The following FOXN3 variants were observed in gnomAD, a reference collection of about 807,000 sequenced individuals.
FOXN3 encodes forkhead box N3.
Under a neutral mutation model 38.4 loss-of-function variants are expected in FOXN3, and 7 were observed. The observed-to-expected ratio is 0.18, with a 90% confidence interval of 0.10 to 0.34. The LOEUF (loss-of-function observed/expected upper bound fraction) is 0.34, where lower values mean the gene tolerates loss of function less well. FOXN3 is among the 10% of genes least tolerant of loss of function. FOXN3 has a pLI of 1.00. For synonymous variants in FOXN3, 230 were observed against 242.2 expected (o/e 0.95, Z 0.47); for missense variants, 456 against 613.4 (o/e 0.74, Z 2.71).
At chr14:89,604,769 T>C (rs1208138654) in intron 1 of FOXN3, among the ~76,000 whole-genome samples, 1 of 151,620 alleles carries the variant, frequency 6.6e-6, no homozygotes, top group Non-Finnish European at 1.5e-5. Context: ...ACAAAGAAAA[T>C]ATCTTAAAAA....
At chr14:89,390,177 G>C (rs773760462) in intron 2 of FOXN3, among the ~76,000 whole-genome samples, 4 of 150,600 alleles carry the variant, frequency 2.7e-5, no homozygotes, top group Non-Finnish European at 2.9e-5. Context: ...TGTGAGCCAA[G>C]GTCATGCCAC....
intron 1 of FOXN3, among the ~76,000 whole-genome samples, chr14:89,437,307 G>T (rs1479026938): frequency 1.3e-5 from 2 of 152,088 alleles, no homozygotes; most frequent in Non-Finnish European, 2.9e-5. Flanking sequence ...TAATGAAGGA[G>T]AACAACTCTG....
chr14:89,563,097 A>C (rs577900155), intron 1 of FOXN3, among the ~76,000 whole-genome samples: 41 of 152,068 alleles, frequency 2.7e-4, no homozygotes, highest in Non-Finnish European at 4.7e-4. Context: ...CAAAACACAA[A>C]CTCTGTCTTA....
In FOXN3 at chr14:89,412,396, C is replaced by T; in HGVS notation, c.81G>A (p.Gly27=). 1.9e-6 allele frequency: 3 copies of T among 1,614,156 alleles called. No homozygotes were observed. Among genetic ancestry groups the T allele is most frequent in the Non-Finnish European group, 2.5e-6 (3 of 1,180,022 alleles). Residue 27 remains glycine (G), a synonymous_variant, in exon 2 of 6, where the codon GGG becomes GGA. Transcript: ENST00000557258. This position sits in a 1 kb window ranked among gnomAD's most constrained non-coding sequence, Gnocchi z 4.7. ...SVSSGLSQCY[G]GSGFSKALQE... ...GAAGGGCCTTGGAGAAACCGCTGCC[C>T]CCGTAACACTGACTCAGTCCACTGG...
chr14:89,182,052 T>C (rs1337235718), intron 4 of FOXN3, among the ~76,000 whole-genome samples: 1 of 152,160 alleles, frequency 6.6e-6, no homozygotes, highest in East Asian at 1.9e-4. Flanking sequence ...GGTGGGTAAA[T>C]AGTGCTTTTT....
chr14:89,384,487 T>C (rs1180781441), intron 2 of FOXN3, among the ~76,000 whole-genome samples: 2 of 152,134 alleles, frequency 1.3e-5, no homozygotes, highest in African/African-American at 2.4e-5. Flanking sequence ...GGGCAGACAC[T>C]AAAAAACAAC....
chr14:89,425,654 C>T (rs545286323), intron 1 of FOXN3, among the ~76,000 whole-genome samples: 24 of 151,814 alleles, frequency 1.6e-4, no homozygotes, highest in Admixed American at 3.3e-4. Flanking sequence ...CATGAGCCAC[C>T]GCGCCCAGCC....
intron 3 of FOXN3, among the ~76,000 whole-genome samples, chr14:89,337,493 G>A (rs886893412): frequency 2.0e-5 from 3 of 152,142 alleles, no homozygotes; most frequent in Admixed American, 6.5e-5. Flanking sequence ...GAGCTCCGGC[G>A]CCTTACCTTT....
At chr14:89,258,465 G>A (rs1885694154) in intron 4 of FOXN3, among the ~76,000 whole-genome samples, 1 of 152,176 alleles carries the variant, frequency 6.6e-6, no homozygotes, top group East Asian at 1.9e-4. Context: ...TCTCTGGTGA[G>A]GCTCAAGTGA....
At chr14:89,568,934 G>T (rs949446278) in intron 1 of FOXN3, among the ~76,000 whole-genome samples, 5 of 152,216 alleles carry the variant, frequency 3.3e-5, no homozygotes, top group African/African-American at 1.2e-4. Context: ...GCCGGGCACG[G>T]TGGCTCACGC....
At chr14:89,317,548 C>T (rs148547902) in intron 3 of FOXN3, among the ~76,000 whole-genome samples, 1 of 152,228 alleles carries the variant, frequency 6.6e-6, no homozygotes, top group East Asian at 1.9e-4. Context: ...CAAATTTCAG[C>T]AGGGGTAAAG....
intron 3 of FOXN3, among the ~76,000 whole-genome samples, chr14:89,320,320 C>T (rs1018267820): frequency 6.6e-6 from 1 of 152,186 alleles, no homozygotes; most frequent in African/African-American, 2.4e-5. Flanking sequence ...TGGCAGAAAA[C>T]AGACCCATTG....
intron 1 of FOXN3, among the ~76,000 whole-genome samples, chr14:89,516,855 A>T (rs534773131): frequency 6.6e-6 from 1 of 152,190 alleles, no homozygotes; most frequent in Admixed American, 6.5e-5. Flanking sequence ...GAGCCATTGG[A>T]TCTAGCCCCA....
At chr14:89,232,986 C>A (rs1884863659) in intron 4 of FOXN3, among the ~76,000 whole-genome samples, 1 of 152,186 alleles carries the variant, frequency 6.6e-6, no homozygotes, top group Non-Finnish European at 1.5e-5. Context: ...AAAATAACCA[C>A]CTCCCCTCCT....
chr14:89,469,844 C>T (rs1284679725), intron 1 of FOXN3, among the ~76,000 whole-genome samples: 1 of 152,222 alleles, frequency 6.6e-6, no homozygotes, highest in Non-Finnish European at 1.5e-5. Context: ...TGTACACGTC[C>T]GTGCTTTGAA....
At chr14:89,554,041 G>A (rs564111367) in intron 1 of FOXN3, among the ~76,000 whole-genome samples, 1 of 152,092 alleles carries the variant, frequency 6.6e-6, no homozygotes, top group South Asian at 2.1e-4. Flanking sequence ...CCGCTCTGTC[G>A]CTCAGGCTGG....
intron 1 of FOXN3, among the ~76,000 whole-genome samples, chr14:89,456,534 G>A (rs1353342211): frequency 1.3e-5 from 2 of 152,190 alleles, no homozygotes; most frequent in Admixed American, 1.3e-4. Context: ...TGGCTGGATT[G>A]CTTGAGACCA....
At chr14:89,295,850 G>A (rs1349840912) in intron 3 of FOXN3, among the ~76,000 whole-genome samples, 1 of 147,200 alleles carries the variant, frequency 6.8e-6, no homozygotes, top group Non-Finnish European at 1.5e-5. Flanking sequence ...TCCTGCCTCA[G>A]CCTCCCAAAA....
At chr14:89,415,624 A>C (rs1015376459) in intron 1 of FOXN3, among the ~76,000 whole-genome samples, 13 of 138,676 alleles carry the variant, frequency 9.4e-5, no homozygotes, top group African/African-American at 3.7e-4. Flanking sequence ...AAAAAAAAAA[A>C]AAAAAAACAG....
Sources: allele counts gnomAD v4.1 joint callset (sites outside exome capture counted in the v4.1 genomes callset), GRCh38; gene constraint gnomAD v4.1.1; non-coding constraint Gnocchi (gnomAD v3.1); transcripts MANE v1.5; gene names NCBI Gene and HGNC (gene_info 2026-07-23, HGNC 2026-07-21).